The following TLE3 variants were observed in gnomAD, a reference collection of about 807,000 sequenced individuals.
TLE3 encodes transducin-like enhancer protein 3.
A neutral mutation model predicts 93.0 loss-of-function variants in TLE3; 14 were observed. The ratio of observed to expected loss-of-function variants is 0.15; its 90% CI spans 0.10 to 0.24. The LOEUF (loss-of-function observed/expected upper bound fraction) is 0.24. Among genes scored for constraint, TLE3 ranks in the 10% least tolerant of loss-of-function variants. The probability of loss-of-function intolerance (pLI) is 1.00; values close to 1 mark genes in which losing one functional copy is unlikely to be tolerated. For missense variants in TLE3, 693 were observed against 1,046.6 expected, an observed-to-expected ratio of 0.66 and a Z score of 4.66; for synonymous variants, 451 against 425.0, an observed-to-expected ratio of 1.06 and a Z score of -0.75.
At chr15:70,094,742 T>C (rs755529115) in intron 3 of TLE3, 166 bp from the exon 4 acceptor site, 190 of 602,522 alleles carry the variant, frequency 3.2e-4, no homozygotes, top group African/African-American at 7.4e-5. Context: ...GTTTAAGAGC[T>C]GACAAGGGCG....
intron 17 of TLE3, 127 bp downstream of exon 17, chr15:70,053,100 G>A (rs2055693685): frequency 3.9e-6 from 5 of 1,267,760 alleles, no homozygotes; most frequent in Non-Finnish European, 1.1e-6. Flanking sequence ...AGATGGCTCA[G>A]GTTGGTCCCA....
intron 4 of TLE3, among the ~76,000 whole-genome samples, chr15:70,078,032 C>T (rs773313071): frequency 1.3e-5 from 2 of 152,164 alleles, no homozygotes; most frequent in African/African-American, 4.8e-5. Context: ...GTGTGGAGCC[C>T]GTTCTGTGCA....
intron 4 of TLE3, among the ~76,000 whole-genome samples, chr15:70,085,325 TA>T (rs1346639128): frequency 1.3e-5 from 2 of 152,224 alleles, no homozygotes; most frequent in African/African-American, 4.8e-5. Context: ...TCTGGTGCTC[TA>T]TACCTAACTC....
chr15:70,065,944 C>T (rs2056785743), intron 7 of TLE3, 70 bp downstream of exon 7: 7 of 1,467,710 alleles, frequency 4.8e-6, no homozygotes, highest in East Asian at 4.7e-5. Flanking sequence ...TGGGTCCACT[C>T]ACTGTGAGGC....
At chr15:70,071,009 C>A (rs2057122445) in intron 6 of TLE3, among the ~76,000 whole-genome samples, 1 of 152,116 alleles carries the variant, frequency 6.6e-6, no homozygotes. Flanking sequence ...ACCAAATTGT[C>A]AGTAGGTAAG....
At chr15:70,095,550 G>A in intron 3 of TLE3, 28 bp downstream of exon 3, 1 of 1,547,950 alleles carries the variant, frequency 6.5e-7, no homozygotes, top group Non-Finnish European at 8.7e-7. Flanking sequence ...CGCCCCAACC[G>A]CCCCCCAGGC....
intron 6 of TLE3, among the ~76,000 whole-genome samples, chr15:70,068,002 G>A (rs2056921132): frequency 6.6e-6 from 1 of 152,204 alleles, no homozygotes; most frequent in African/African-American, 2.4e-5. Flanking sequence ...GCATCACAGA[G>A]TCCAATGCGG....
intron 4 of TLE3, among the ~76,000 whole-genome samples, chr15:70,082,421 T>C (rs540368602): frequency 1.8e-4 from 28 of 151,972 alleles, no homozygotes; most frequent in African/African-American, 6.0e-4. Flanking sequence ...AGTGCTACAA[T>C]GTAAGAAGGG....
intron 4 of TLE3, among the ~76,000 whole-genome samples, chr15:70,080,550 T>C (rs895185387): frequency 6.6e-6 from 1 of 152,198 alleles, no homozygotes; most frequent in African/African-American, 2.4e-5. Flanking sequence ...CCTGCATCTC[T>C]GTCAAGATTG....
intron 14 of TLE3, 121 bp downstream of exon 14, chr15:70,056,177 A>G: frequency 9.0e-7 from 1 of 1,111,432 alleles, no homozygotes. Context: ...ATACCTTTCC[A>G]AAGGGAGGTG....
chr15:70,073,603 G>A (rs2057294288), intron 6 of TLE3, among the ~76,000 whole-genome samples: 1 of 152,208 alleles, frequency 6.6e-6, no homozygotes, highest in Admixed American at 6.5e-5. Flanking sequence ...GACCTCTGGG[G>A]CAAGTGCCCC....
intron 4 of TLE3, among the ~76,000 whole-genome samples, chr15:70,077,537 C>T (rs1229790584): frequency 6.6e-6 from 1 of 152,248 alleles, no homozygotes; most frequent in Non-Finnish European, 1.5e-5. Context: ...CTTGGGCTAA[C>T]ACCCTCCACC....
chr15:70,094,650 G>A (rs1210443629), intron 3 of TLE3, 74 bp from the exon 4 acceptor site: 4 of 1,183,504 alleles, frequency 3.4e-6, no homozygotes, highest in African/African-American at 3.1e-5. Context: ...TTTTTTCTTG[G>A]AAAGGTTTTG....
intron 7 of TLE3, 30 bp downstream of exon 7, chr15:70,065,984 G>GA: frequency 1.3e-6 from 1 of 768,876 alleles, no homozygotes; most frequent in Non-Finnish European, 2.1e-6. Flanking sequence ...CCCCTGCCCC[G>GA]CCCCACCCTC....
intron 4 of TLE3, among the ~76,000 whole-genome samples, chr15:70,076,447 G>T (rs1179081881): frequency 3.9e-5 from 6 of 152,138 alleles, no homozygotes; most frequent in Admixed American, 3.9e-4. Context: ...TCCTCTGGAT[G>T]GAATCCCTAA....
In TLE3 at chr15:70,060,559, C is replaced by G; in HGVS notation, c.685G>C (p.Ala229Pro). Residue 229 changes from alanine (A) to proline (P), a missense_variant, in exon 9 of 20, where the codon GCG (alanine) becomes CCG (proline). Ala to Pro is a conservative substitution (Grantham distance 27). Coordinates refer to ENST00000451782, the MANE Select transcript of TLE3 (RefSeq NM_001105192.3). ...DYSMEAKKRKAEEKDSLSRYD... is the reference protein window; with the variant it reads ...DYSMEAKKRKPEEKDSLSRYD... ...CGGCTCAAGCTGTCCTTCTCCTCCG[C>G]CTTCCGCTTCTTGGCTTCCATGCTG... The G allele has an allele frequency of 6.2e-7, 1 of 1,614,000 alleles. No individual in the cohort carries two copies. The highest frequency in any genetic ancestry group is 1.1e-5 in the South Asian group (1 of 91,088).
At chr15:70,065,065 G>A (rs2056731389) in intron 7 of TLE3, among the ~76,000 whole-genome samples, 1 of 152,208 alleles carries the variant, frequency 6.6e-6, no homozygotes. Context: ...GCTATGGAGA[G>A]GCCCCTCTTC....
intron 8 of TLE3, 27 bp downstream of exon 8, chr15:70,064,427 T>G (rs2056687001): frequency 6.2e-7 from 1 of 1,613,080 alleles, no homozygotes; most frequent in Non-Finnish European, 8.5e-7. Flanking sequence ...CAAACACCCC[T>G]CCGGGTTCCA....
chr15:70,096,040 G>T (rs1315337404), intron 2 of TLE3, 121 bp downstream of exon 2: 1 of 1,136,382 alleles, frequency 8.8e-7, no homozygotes, highest in Non-Finnish European at 1.2e-6. Flanking sequence ...AAAGGCGGAG[G>T]CCCGGGCTGC....
Sources: gnomAD v4.1 joint callset for allele counts (sites outside exome capture counted in the v4.1 genomes callset) on GRCh38, gnomAD v4.1.1 for gene constraint, MANE v1.5 for transcripts, NCBI Gene and HGNC (gene_info 2026-07-23, HGNC 2026-07-21) for gene names.